MYH2: variants seen among roughly 807,000 people sequenced by gnomAD.
The protein encoded by MYH2 is myosin-2.
MYH2 carries 139 observed loss-of-function variants against 228.1 expected under a neutral mutation model. That is an observed-to-expected ratio of 0.61 (90% CI 0.53 to 0.70). MYH2 has a LOEUF of 0.70. Among genes scored for constraint, MYH2 ranks in the 30% least tolerant of loss-of-function variants. MYH2 has a pLI of 0.00. For missense variants in MYH2, 1,809 were observed against 2,357.5 expected (o/e 0.77, Z 4.82); for synonymous variants, 796 against 871.1 (o/e 0.91, Z 1.52).
intron 5 of MYH2, among the ~76,000 whole-genome samples, chr17:10,545,014 A>AGTGTGT (rs112057904): frequency 0.011 from 1,651 of 150,510 alleles, 22 homozygotes; most frequent in East Asian, 0.05. Flanking sequence ...TGCGTGCATG[A>AGTGTGT]GTGTGTGTGT....
At position 10,525,138 on chromosome 17, in the gene MYH2, T is replaced by C. The variant is rs2073334636; in HGVS notation, c.4663-73A>G. 6.2e-7 allele frequency: 1 copy of C among 1,613,814 alleles called. No homozygotes were observed. Among genetic ancestry groups the C allele is most frequent in the Non-Finnish European group, 8.5e-7 (1 of 1,179,822 alleles). ...GAAGTTTTTCTGCACAGCAATAATT[T>C]TGTGCTATGTGTCTTTTTATTCACT... is the stretch of plus-strand genomic sequence containing the variant. On this transcript the variant is annotated intron_variant, in intron 33 of 39. Coordinates refer to ENST00000245503, the MANE Select transcript of MYH2 (RefSeq NM_017534.6). This position sits in a 1 kb window ranked among gnomAD's most constrained non-coding sequence, Gnocchi z 4.2.
rs2073426264 is a variant in MYH2, at chr17:10,531,775, TCA to T, written c.2553_2554del (p.Lys853GlyfsTer13). ...TTCCTTCATGGTGGCCATCTCCTTC[TCA>T]GTTTCTGCACTCTTCAACAGAGGCT... is the stretch of plus-strand genomic sequence containing the variant. On this transcript the variant is annotated frameshift_variant, in exon 22 of 40. Transcript: ENST00000245503. LOFTEE classifies it high-confidence loss of function. 6.2e-7 allele frequency: 1 copy of T among 1,614,106 alleles called. No individual in the cohort carries two copies. The highest frequency in any genetic ancestry group is 1.3e-5 in the African/African-American group (1 of 74,946).
rs201933458 is a variant in MYH2 at position 10,529,152 on chromosome 17, A to T, written c.3354+10T>A. On this transcript the variant is annotated intron_variant, in intron 26 of 39. Coordinates refer to ENST00000245503, the MANE Select transcript of MYH2 (RefSeq NM_017534.6). ...CCTCCGAGCCAGACTGATGAAAATC[A>T]TGTACTTACTTGCAATTCTTTAATT... The T allele has an allele frequency of 9.9e-5, 160 of 1,614,230 alleles. No homozygotes were observed. Among genetic ancestry groups the T allele is most frequent in the Non-Finnish European group, 1.8e-5 (21 of 1,180,042 alleles).
Position 10,529,464 on chromosome 17 carries a change from C to A in MYH2, c.3135G>T (p.Glu1045Asp). The A allele has an allele frequency of 6.2e-7, 1 of 1,614,204 alleles. No homozygotes were observed. Among genetic ancestry groups the A allele is most frequent in the Non-Finnish European group, 8.5e-7 (1 of 1,180,032 alleles). Residue 1045 changes from glutamate (E) to aspartate (D), a missense_variant, in exon 25 of 40, where the codon GAG becomes GAT. Physicochemically the swap from Glu to Asp is conservative, Grantham distance 45 (BLOSUM62 2). This residue lies in a region of MYH2 where 636 missense variants were observed against 729.9 expected (regional missense o/e 0.87). Transcript: ENST00000245503. ...GGTCCATGCGAAGTTTCTTTTCTTG[C>A]TCCAAGGACCCTTCAAGCTAAATAT... ...QQVDDLEGSL[E>D]QEKKLRMDLE...
chr17:10,528,580 T>A, intron 27 of MYH2, 110 bp downstream of exon 27: 6 of 1,523,008 alleles, frequency 3.9e-6, no homozygotes, highest in Non-Finnish European at 5.4e-6. Flanking sequence ...CTTACTTCCC[T>A]GAATTACTGC....
At chr17:10,536,642 A>G in intron 16 of MYH2, 36 bp from the exon 17 acceptor site, 1 of 1,584,752 alleles carries the variant, frequency 6.3e-7, no homozygotes, top group African/African-American at 1.3e-5. Context: ...ACTGTTTTGA[A>G]TTGGCAGGGC....
At chr17:10,534,973 A>G in intron 19 of MYH2, 100 bp downstream of exon 19, 1 of 1,373,294 alleles carries the variant, frequency 7.3e-7, no homozygotes. Flanking sequence ...TTTTGTGACA[A>G]AACTAACAAG....
chr17:10,547,441 A>G (rs561258678), intron 4 of MYH2, 34 bp downstream of exon 4: 1 of 1,613,308 alleles, frequency 6.2e-7, no homozygotes, highest in East Asian at 2.2e-5. Context: ...GTACATGAGG[A>G]TGATTATACA....
At chr17:10,545,574 T>C (rs2073618981) in intron 4 of MYH2, 72 bp from the exon 5 acceptor site, 2 of 1,588,936 alleles carry the variant, frequency 1.3e-6, no homozygotes, top group African/African-American at 1.3e-5. Context: ...ATTAATTGAA[T>C]GTTTTTTTGA....
rs769075241 is a variant in MYH2, at chr17:10,547,625, A to G, written c.205-7T>C. 1 of 1,614,180 alleles carries G rather than the reference A, an allele frequency of 6.2e-7. No individual in the cohort carries two copies. The highest frequency in any genetic ancestry group is 8.5e-7 in the Non-Finnish European group (1 of 1,180,032). On this transcript the variant is annotated splice_region_variant and splice_polypyrimidine_tract_variant and intron_variant, in intron 3 of 39. Transcript: ENST00000245503. ...CATCCTTCACTGTCAGAGTCTGGTA[A>G]ACAGGAAAGATAACCGTTTACATTA...
At chr17:10,534,491 A>G (rs576685815) in intron 19 of MYH2, among the ~76,000 whole-genome samples, 1 of 152,350 alleles carries the variant, frequency 6.6e-6, no homozygotes, top group East Asian at 1.9e-4. Flanking sequence ...TAATCTGAAC[A>G]TATTAAGCAC....
At chr17:10,545,325 C>T in intron 5 of MYH2, 21 bp downstream of exon 5, 1 of 1,612,724 alleles carries the variant, frequency 6.2e-7, no homozygotes, top group East Asian at 2.2e-5. Context: ...TACGCACTTG[C>T]AAAGCATTCG....
At position 10,535,477 on chromosome 17, in the gene MYH2, GCATTCATATAAGGCAA is replaced by G. The variant is rs1319572204; in HGVS notation, c.1975-128_1975-113del. ...CTGAGTTGAATGACCAGTATGGACT[GCATTCATATAAGGCAA>G]CACTTTGAATGCTTCTTCTGAGATG... On this transcript the variant is annotated intron_variant, in intron 17 of 39. Coordinates refer to ENST00000245503, the MANE Select transcript of MYH2 (RefSeq NM_017534.6). 3 of 881,004 alleles carry G rather than the reference GCATTCATATAAGGCAA, an allele frequency of 3.4e-6. No individual in the cohort carries two copies. In the African/African-American group the frequency reaches 5.0e-5, roughly 15 times the overall value. The allele number at this position is 881,004 out of a possible 1,614,324, so 54.6% of individuals were successfully genotyped here.
intron 14 of MYH2, among the ~76,000 whole-genome samples, chr17:10,538,917 C>A (rs915579148): frequency 3.3e-5 from 5 of 152,162 alleles, no homozygotes; most frequent in Non-Finnish European, 7.3e-5. Context: ...CGTTTCTCAG[C>A]TCTTATTGTC....
At chr17:10,527,442 A>G (rs998266191) in intron 28 of MYH2, among the ~76,000 whole-genome samples, 9 of 152,188 alleles carry the variant, frequency 5.9e-5, no homozygotes, top group Non-Finnish European at 1.2e-4. Context: ...CCCTCATATA[A>G]ATAAAGAGAA....
intron 19 of MYH2, 33 bp downstream of exon 19, chr17:10,535,040 C>T: frequency 6.2e-7 from 1 of 1,606,990 alleles, no homozygotes; most frequent in Non-Finnish European, 8.5e-7. Flanking sequence ...TCATATTAAA[C>T]TTCAGAATAC....
chr17:10,545,031 G>GTGTGTGTGTA (rs1415228141), intron 5 of MYH2, among the ~76,000 whole-genome samples: 7 of 134,702 alleles, frequency 5.2e-5, no homozygotes, highest in African/African-American at 1.8e-4. Flanking sequence ...GTGTGTGTGT[G>GTGTGTGTGTA]TATATATACA....
intron 17 of MYH2, among the ~76,000 whole-genome samples, chr17:10,536,229 T>A (rs1326925155): frequency 6.6e-6 from 1 of 152,156 alleles, no homozygotes; most frequent in Non-Finnish European, 1.5e-5. Context: ...ACTGCTCTGG[T>A]GATGGGTGCA....
At chr17:10,528,576 T>C in intron 27 of MYH2, 114 bp downstream of exon 27, 3 of 1,506,420 alleles carry the variant, frequency 2.0e-6, no homozygotes, top group Non-Finnish European at 2.7e-6. Context: ...TGTGCTTACT[T>C]CCCTGAATTA....
Sources: gnomAD v4.1 joint callset for allele counts (sites outside exome capture counted in the v4.1 genomes callset) on GRCh38, gnomAD v4.1.1 for gene constraint, gnomAD v4.1.1 regional missense constraint, Gnocchi (gnomAD v3.1) non-coding constraint, MANE v1.5 for transcripts, NCBI Gene and HGNC (gene_info 2026-07-23, HGNC 2026-07-21) for gene names.